The following VTI1A variants were observed in gnomAD, a reference collection of about 807,000 sequenced individuals.
VTI1A encodes the protein vesicle transport through interaction with t-SNAREs homolog 1A.
In VTI1A, 22 loss-of-function variants were observed where a neutral mutation model predicts 34.9. The ratio of observed to expected loss-of-function variants is 0.63; its 90% CI spans 0.45 to 0.90. The LOEUF (loss-of-function observed/expected upper bound fraction) is 0.90, where lower values mean the gene tolerates loss of function less well. VTI1A is among the 40% of genes least tolerant of loss of function. The pLI is 0.00. For missense variants in VTI1A, 268 were observed against 275.6 expected, an observed-to-expected ratio of 0.97 and a Z score of 0.20; for synonymous variants, 87 against 97.3, an observed-to-expected ratio of 0.89 and a Z score of 0.62.
At chr10:112,822,968 A>G (rs1447204333), downstream of VTI1A, among the ~76,000 whole-genome samples, 1 of 152,202 alleles carries the variant, frequency 6.6e-6, no homozygotes, top group Non-Finnish European at 1.5e-5. Flanking sequence ...CCTTTCCAGA[A>G]TCCTGACTCA....
At chr10:112,621,340 T>C (rs951662785) in intron 5 of VTI1A, among the ~76,000 whole-genome samples, 1 of 152,014 alleles carries the variant, frequency 6.6e-6, no homozygotes, top group Admixed American at 6.6e-5. Flanking sequence ...TACCAAAGAG[T>C]TTCTCAATGT....
the VTI1A span, among the ~76,000 whole-genome samples, chr10:112,830,865 T>C: frequency 1.4e-5 from 1 of 73,360 alleles, no homozygotes; most frequent in Non-Finnish European, 2.9e-5. Context: ...TTTTTTTTTC[T>C]TGTAGACAGG....
At chr10:112,752,834 T>C (rs540769651) in intron 7 of VTI1A, among the ~76,000 whole-genome samples, 53 of 152,338 alleles carry the variant, frequency 3.5e-4, no homozygotes, top group African/African-American at 1.2e-3. Context: ...GCAGTCTCTT[T>C]TGGGTATAGT....
At chr10:112,718,604 C>T (rs1033996079) in intron 7 of VTI1A, among the ~76,000 whole-genome samples, 1 of 152,060 alleles carries the variant, frequency 6.6e-6, no homozygotes, top group Non-Finnish European at 1.5e-5. Context: ...GATTTTTTCC[C>T]CCTTGGATAA....
chr10:112,515,703 C>T (rs561504026), intron 3 of VTI1A, among the ~76,000 whole-genome samples: 48 of 152,160 alleles, frequency 3.2e-4, no homozygotes, highest in African/African-American at 1.0e-3. Flanking sequence ...TGAATTTTGA[C>T]TTGGAACTTC....
chr10:112,608,265 C>T (rs1045775769), intron 5 of VTI1A, among the ~76,000 whole-genome samples: 6 of 152,178 alleles, frequency 3.9e-5, no homozygotes, highest in Non-Finnish European at 7.3e-5. Context: ...AGTGCTGTTA[C>T]ATACATGCAT....
At chr10:112,464,942 G>A (rs1847849599) in intron 3 of VTI1A, among the ~76,000 whole-genome samples, 1 of 152,202 alleles carries the variant, frequency 6.6e-6, no homozygotes, top group Non-Finnish European at 1.5e-5. Context: ...TTGAAACTCA[G>A]TTTCTGGCCT....
chr10:112,483,954 T>C (rs1848532852), intron 3 of VTI1A, among the ~76,000 whole-genome samples: 1 of 152,178 alleles, frequency 6.6e-6, no homozygotes, highest in African/African-American at 2.4e-5. Flanking sequence ...AGAAATCAAG[T>C]CTGTCAGACT....
intron 5 of VTI1A, among the ~76,000 whole-genome samples, chr10:112,644,196 A>G (rs1312510728): frequency 6.6e-6 from 1 of 152,220 alleles, no homozygotes; most frequent in East Asian, 1.9e-4. Context: ...GTAGAATTTA[A>G]GTAGGAGTAT....
At chr10:112,761,324 G>A (rs1416546171) in intron 7 of VTI1A, among the ~76,000 whole-genome samples, 1 of 152,114 alleles carries the variant, frequency 6.6e-6, no homozygotes, top group Non-Finnish European at 1.5e-5. Flanking sequence ...CAGATCTACT[G>A]GTAAGGTTTG....
intron 7 of VTI1A, among the ~76,000 whole-genome samples, chr10:112,783,719 A>G (rs886814041): frequency 3.9e-5 from 6 of 152,348 alleles, no homozygotes; most frequent in Non-Finnish European, 8.8e-5. Context: ...TTACTTTGTC[A>G]GAGTAATGCA....
chr10:112,586,131 C>CT (rs34278191), intron 5 of VTI1A, among the ~76,000 whole-genome samples: 90,459 of 147,090 alleles, frequency 0.61, 28,150 homozygotes, highest in African/African-American at 0.7. Flanking sequence ...TAAAGAGTGG[C>CT]TTTTTTTTTT....
intron 5 of VTI1A, among the ~76,000 whole-genome samples, chr10:112,659,453 G>A (rs1847364236): frequency 6.6e-6 from 1 of 152,158 alleles, no homozygotes; most frequent in Admixed American, 6.5e-5. Context: ...GCTCATTCCA[G>A]AGCATCGTTA....
At chr10:112,719,342 A>G (rs1849713931) in intron 7 of VTI1A, among the ~76,000 whole-genome samples, 2 of 152,242 alleles carry the variant, frequency 1.3e-5, no homozygotes, top group East Asian at 1.9e-4. Context: ...ATAAAATGCT[A>G]TTATACAAAC....
intron 7 of VTI1A, 32 bp downstream of exon 7, chr10:112,669,030 C>G (rs1554937397): frequency 6.2e-7 from 1 of 1,606,418 alleles, no homozygotes; most frequent in Admixed American, 1.7e-5. Context: ...ATCTTTCTCT[C>G]TGTGTGTTTT....
chr10:112,580,304 T>G (rs1369094812), intron 5 of VTI1A, among the ~76,000 whole-genome samples: 1 of 152,192 alleles, frequency 6.6e-6, no homozygotes, highest in African/African-American at 2.4e-5. Flanking sequence ...AGAGAACTTC[T>G]GGAGAATCAC....
chr10:112,447,332 C>G lies in VTI1A; in HGVS notation c.-42C>G. Reference sequence around the variant, plus strand: ...CTCGCTGCCCCTCGAGGCCCTTTCCCTGACCTAGGCTTTGGCCTGGGCTAC... The same window carrying G: ...CTCGCTGCCCCTCGAGGCCCTTTCCGTGACCTAGGCTTTGGCCTGGGCTAC... On this transcript the variant is annotated 5_prime_UTR_variant, in exon 1 of 8. Transcript: ENST00000393077. The G allele has an allele frequency of 6.3e-7, 1 of 1,597,528 alleles. No individual in the cohort carries two copies. Among genetic ancestry groups the G allele is most frequent in the Non-Finnish European group, 8.5e-7 (1 of 1,171,682 alleles).
chr10:112,693,929 C>A (rs184319193), intron 7 of VTI1A, among the ~76,000 whole-genome samples: 1 of 152,168 alleles, frequency 6.6e-6, no homozygotes, highest in Non-Finnish European at 1.5e-5. Context: ...TGTTTTAATG[C>A]GAGGCTCGGT....
chr10:112,824,260 A>G, the VTI1A span: 19,550 of 152,238 alleles, frequency 0.13, 2,163 homozygotes, highest in African/African-American at 0.3. Flanking sequence ...TTACTTTTTT[A>G]TTAAACCAAC....
Sources: gnomAD v4.1 joint callset for allele counts (sites outside exome capture counted in the v4.1 genomes callset) on GRCh38, gnomAD v4.1.1 for gene constraint, MANE v1.5 for transcripts, NCBI Gene and HGNC (gene_info 2026-07-23, HGNC 2026-07-21) for gene names.